IKZF2: variants seen among roughly 807,000 people sequenced by gnomAD.
The protein encoded by IKZF2 is IKAROS family zinc finger 2.
A neutral mutation model predicts 49.2 loss-of-function variants in IKZF2; 15 were observed. That is an observed-to-expected ratio of 0.30 (90% confidence interval 0.20 to 0.47). IKZF2 has a LOEUF of 0.47. Among genes scored for constraint, IKZF2 ranks in the 20% least tolerant of loss-of-function variants. The pLI is 1.00. For synonymous variants in IKZF2, 227 were observed against 221.4 expected (o/e 1.03, Z -0.23); for missense variants, 567 against 664.6 (o/e 0.85, Z 1.61).
At chr2:213,103,770 T>C (rs2059427130) in intron 4 of IKZF2, among the ~76,000 whole-genome samples, 1 of 145,104 alleles carries the variant, frequency 6.9e-6, no homozygotes, top group Non-Finnish European at 1.5e-5. Context: ...TTAAAGATGT[T>C]CATTTTTATA....
chr2:213,100,841 A>G (rs1706574814), intron 4 of IKZF2, among the ~76,000 whole-genome samples: 2 of 152,190 alleles, frequency 1.3e-5, no homozygotes, highest in South Asian at 2.1e-4. Flanking sequence ...AACAAACTCA[A>G]TAATATATTA....
At chr2:213,051,845 C>T (rs2125343561) in intron 5 of IKZF2, among the ~76,000 whole-genome samples, 1 of 152,004 alleles carries the variant, frequency 6.6e-6, no homozygotes, top group East Asian at 1.9e-4. Context: ...GTAACAAATT[C>T]GTTAACAATA....
rs1698091674 is a variant in IKZF2, at chr2:213,028,769, T to C, written c.575-6639A>G. The stretch of plus-strand genomic sequence containing the variant: ...ACATCATTTCACAATAGCCAAGATA[T>C]GGCATCAACCTAAGTGTCCATATTT... On this transcript the variant is annotated intron_variant, in intron 6 of 8. Coordinates refer to ENST00000434687, the MANE Select transcript of IKZF2 (RefSeq NM_001387220.1). 2.6e-5 allele frequency among the ~76,000 whole-genome samples: 4 copies of C among 152,216 alleles called. No individual in the cohort carries two copies. The South Asian group carries it at 8.3e-4, about 32-fold the overall frequency.
chr2:213,013,522 T>G (rs1274876972), intron 8 of IKZF2, among the ~76,000 whole-genome samples: 1 of 152,056 alleles, frequency 6.6e-6, no homozygotes, highest in Non-Finnish European at 1.5e-5. Context: ...GAAATTAATA[T>G]TTTCTATTTT....
Sources: allele counts gnomAD v4.1 joint callset (sites outside exome capture counted in the v4.1 genomes callset), GRCh38; gene constraint gnomAD v4.1.1; transcripts MANE v1.5; gene names NCBI Gene and HGNC (gene_info 2026-07-23, HGNC 2026-07-21).